MAGOH: variants seen among roughly 807,000 people sequenced by gnomAD.
The protein encoded by MAGOH is mago homolog, exon junction complex subunit, also known as protein mago nashi homolog.
A neutral mutation model predicts 20.9 loss-of-function variants in MAGOH; 3 were observed. That is an observed-to-expected ratio of 0.14 (90% CI 0.07 to 0.37). The LOEUF (loss-of-function observed/expected upper bound fraction) is 0.37, where lower values mean the gene tolerates loss of function less well. Among genes scored for constraint, MAGOH ranks in the 10% least tolerant of loss-of-function variants. MAGOH has a pLI of 1.00. For synonymous variants in MAGOH, 51 were observed against 61.0 expected, an observed-to-expected ratio of 0.84 and a Z score of 0.76; for missense variants, 66 against 178.1, an observed-to-expected ratio of 0.37 and a Z score of 3.58.
At position 53,238,362 on chromosome 1, in the gene MAGOH, G is replaced by C; in HGVS notation, c.87C>G (p.Asp29Glu). The C allele has an allele frequency of 6.2e-7, 1 of 1,614,064 alleles. No individual in the cohort carries two copies. Among genetic ancestry groups the C allele is most frequent in the Non-Finnish European group, 8.5e-7 (1 of 1,179,930 alleles). Residue 29 changes from aspartate to glutamate, a missense_variant and splice_region_variant, in exon 1 of 5, where the codon GAC becomes GAG. Asp to Glu is a conservative substitution (Grantham distance 45, BLOSUM62 2). Transcript: ENST00000371470. ...CGGCGGGCGGCAGGCTGCTTTTACC[G>C]TCCGGTCGAAACTCAAACTCCAGGA... Reference protein sequence around the residue: ...HEFLEFEFRPDGKLRYANNSN... With the variant: ...HEFLEFEFRPEGKLRYANNSN...
At position 53,238,513 on chromosome 1, in the gene MAGOH, G is replaced by A. The variant is rs1266439015; in HGVS notation, c.-65C>T. On this transcript the variant is annotated 5_prime_UTR_variant, in exon 1 of 5. Transcript: ENST00000371470. ...AGCCGCACTGCCGCCGTCTGCGCCC[G>A]ACACTGACGTTTGCGGCGGCGCGCG... is the stretch of plus-strand genomic sequence containing the variant. 6.2e-6 allele frequency: 9 copies of A among 1,441,608 alleles called. No homozygotes were observed. The East Asian group carries it at 1.4e-4, about 22-fold the overall frequency. The allele number at this position is 1,441,608 out of a possible 1,614,324, so 89.3% of individuals were successfully genotyped here. A position where few individuals can be genotyped will look rare whatever the true frequency, so the allele number is the denominator to read the frequency against.
chr1:53,233,928 C>G (rs901290246), intron 2 of MAGOH: 1 of 281,960 alleles, frequency 3.5e-6, no homozygotes, highest in Non-Finnish European at 6.7e-6. Context: ...CAACTCACAA[C>G]GAAACCCAAA....
In MAGOH at chr1:53,238,441, C is replaced by T; in HGVS notation, c.8G>A (p.Ser3Asn). 10 of 1,613,926 alleles carry T rather than the reference C, an allele frequency of 6.2e-6. No homozygotes were observed. Among genetic ancestry groups the T allele is most frequent in the Non-Finnish European group, 8.5e-6 (10 of 1,179,800 alleles). The change falls in exon 1 of 5, where the codon AGT (serine) becomes AAT (asparagine). Residue 3 changes from serine (S) to asparagine (N), a missense_variant. Transcript: ENST00000371470. ME[S>N]DFYLRYYVGH... is the part of the protein sequence containing the mutation. ...CACGTAGTAACGCAGATAAAAGTCA[C>T]TCTCCATGGCTCCCAAAAGACAACC...
chr1:53,230,556 T>C (rs1645581355), intron 3 of MAGOH, among the ~76,000 whole-genome samples: 1 of 151,910 alleles, frequency 6.6e-6, no homozygotes, highest in Non-Finnish European at 1.5e-5. Context: ...TAGCTAGGAC[T>C]ACAGGTATGC....
At chr1:53,235,823 A>G (rs1356889820) in intron 1 of MAGOH, among the ~76,000 whole-genome samples, 188 bp from the exon 2 acceptor site, 1 of 152,236 alleles carries the variant, frequency 6.6e-6, no homozygotes, top group Non-Finnish European at 1.5e-5. Context: ...AGGCTTAAAC[A>G]GCCAAATATA....
chr1:53,235,527 A>G, intron 2 of MAGOH, 50 bp downstream of exon 2: 1 of 1,508,302 alleles, frequency 6.6e-7, no homozygotes, highest in Non-Finnish European at 9.2e-7. Context: ...GCAAGACAAA[A>G]AGCTGAAATG....
At chr1:53,227,360 T>C (rs1645565478) in intron 4 of MAGOH, among the ~76,000 whole-genome samples, 1 of 152,180 alleles carries the variant, frequency 6.6e-6, no homozygotes, top group Admixed American at 6.5e-5. Context: ...AAAAAGTATA[T>C]ATTGTATTAA....
intron 1 of MAGOH, among the ~76,000 whole-genome samples, chr1:53,236,573 CTCT>C (rs954640887): frequency 6.6e-6 from 1 of 152,200 alleles, no homozygotes; most frequent in Non-Finnish European, 1.5e-5. Flanking sequence ...GCCTTCTTGA[CTCT>C]TCTTCGTCTC....
rs1033083138 is a variant in MAGOH at position 53,238,477 on chromosome 1, T to C, written c.-29A>G. 5.6e-6 allele frequency: 9 copies of C among 1,600,492 alleles called. No homozygotes were observed. The highest frequency in any genetic ancestry group is 7.7e-6 in the Non-Finnish European group (9 of 1,167,696). The stretch of plus-strand genomic sequence containing the variant: ...TCCCAAAAGACAACCGAGCCTGAAC[T>C]TCCAAGAGCAAGCCGCACTGCCGCC... On this transcript the variant is annotated 5_prime_UTR_variant, in exon 1 of 5. Coordinates refer to ENST00000371470, the MANE Select transcript of MAGOH (RefSeq NM_002370.4).
intron 3 of MAGOH, 50 bp downstream of exon 3, chr1:53,233,492 G>A: frequency 1.6e-6 from 2 of 1,271,772 alleles, no homozygotes; most frequent in South Asian, 1.2e-5. Context: ...GGAGTGTGGG[G>A]GGTCTTATTT....
At chr1:53,234,982 A>G (rs940336262) in intron 2 of MAGOH, among the ~76,000 whole-genome samples, 1 of 152,190 alleles carries the variant, frequency 6.6e-6, no homozygotes, top group African/African-American at 2.4e-5. Context: ...AACAAGCCTC[A>G]TAATTAATAC....
At chr1:53,236,949 CTTTT>C (rs55693928) in intron 1 of MAGOH, among the ~76,000 whole-genome samples, 2 of 128,036 alleles carry the variant, frequency 1.6e-5, no homozygotes, top group South Asian at 2.5e-4. Flanking sequence ...CAACCAGTAT[CTTTT>C]TTTTTTTTTT....
intron 3 of MAGOH, among the ~76,000 whole-genome samples, chr1:53,231,460 C>T (rs965195895): frequency 6.6e-6 from 1 of 152,170 alleles, no homozygotes; most frequent in Admixed American, 6.5e-5. Flanking sequence ...AGAAATAATA[C>T]AAGTCTATAT....
At chr1:53,229,301 C>T (rs1004164751) in intron 3 of MAGOH, among the ~76,000 whole-genome samples, 4 of 151,798 alleles carry the variant, frequency 2.6e-5, no homozygotes, top group East Asian at 1.9e-4. Flanking sequence ...CAGGTTCAAG[C>T]GATTCTCCTG....
At chr1:53,233,457 G>C (rs17192655) in intron 3 of MAGOH, 85 bp downstream of exon 3, 92,658 of 839,670 alleles carry the variant, frequency 0.11, 6,232 homozygotes, top group Non-Finnish European at 0.14. Flanking sequence ...AGTGAGATAG[G>C]CAACAAAAGC....
chr1:53,233,724 G>C lies in MAGOH; in HGVS notation c.148-72C>G, dbSNP rs1432809785. The C allele has an allele frequency of 3.1e-6, 3 of 962,840 alleles. No individual in the cohort carries two copies. In the African/African-American group the frequency reaches 4.9e-5, roughly 16 times the overall value. The allele number at this position is 962,840 out of a possible 1,614,324, so 59.6% of individuals were successfully genotyped here. On this transcript the variant is annotated intron_variant, in intron 2 of 4. Transcript: ENST00000371470. ...TGCTTTGACTCAGATAGTGATGGAA[G>C]ATAAAAATAACTGTTCCTGCAGACT... is the stretch of plus-strand genomic sequence containing the variant.
chr1:53,232,961 C>A (rs766009478), intron 3 of MAGOH, among the ~76,000 whole-genome samples: 1 of 152,120 alleles, frequency 6.6e-6, no homozygotes, highest in Non-Finnish European at 1.5e-5. Flanking sequence ...ATTAGCTGGG[C>A]ATGGTGGAGG....
At chr1:53,233,832 C>T in intron 2 of MAGOH, 180 bp from the exon 3 acceptor site, 1 of 544,118 alleles carries the variant, frequency 1.8e-6, no homozygotes, top group South Asian at 2.1e-5. Context: ...CAGAAGTATC[C>T]AGTAACTGCA....
intron 4 of MAGOH, 50 bp downstream of exon 4, chr1:53,228,822 A>C (rs1176939526): frequency 7.2e-7 from 1 of 1,387,294 alleles, no homozygotes; most frequent in Admixed American, 1.7e-5. Flanking sequence ...GTTTCTTATC[A>C]ATCTGCTCCA....
Sources: allele counts gnomAD v4.1 joint callset (sites outside exome capture counted in the v4.1 genomes callset), GRCh38; gene constraint gnomAD v4.1.1; transcripts MANE v1.5; gene names NCBI Gene and HGNC (gene_info 2026-07-23, HGNC 2026-07-21).